CTSO: variants seen among roughly 807,000 people sequenced by gnomAD.
The protein encoded by CTSO is cathepsin O.
A neutral mutation model predicts 42.4 loss-of-function variants in CTSO; 40 were observed. That is an observed-to-expected ratio of 0.94 (90% CI 0.73 to 1.23). CTSO has a LOEUF of 1.23. CTSO is among the 50% of genes most tolerant of loss of function. The probability of loss-of-function intolerance (pLI) is 0.00; values close to 1 mark genes in which losing one functional copy is unlikely to be tolerated. For synonymous variants in CTSO, 156 were observed against 146.2 expected, an observed-to-expected ratio of 1.07 and a Z score of -0.48; for missense variants, 441 against 396.0, an observed-to-expected ratio of 1.11 and a Z score of -0.96.
intron 1 of CTSO, among the ~76,000 whole-genome samples, chr4:155,949,979 C>A (rs1038244278): frequency 7.3e-6 from 1 of 136,412 alleles, no homozygotes; most frequent in South Asian, 2.9e-4. Flanking sequence ...TGTTGAGGAG[C>A]CTTGGATTAG....
chr4:155,927,606 A>G (rs1007729112), intron 7 of CTSO, among the ~76,000 whole-genome samples: 2 of 152,084 alleles, frequency 1.3e-5, no homozygotes, highest in African/African-American at 2.4e-5. Context: ...CGTCTCTACT[A>G]AAAATACAAA....
chr4:155,925,997 C>A lies in CTSO; in HGVS notation c.*39G>T, dbSNP rs1436959083. 1 of 1,578,184 alleles carries A rather than the reference C, an allele frequency of 6.3e-7. No homozygotes were observed. Among genetic ancestry groups the A allele is most frequent in the Non-Finnish European group, 8.7e-7 (1 of 1,154,918 alleles). On this transcript the variant is annotated 3_prime_UTR_variant, in exon 8 of 8. Coordinates refer to ENST00000433477, the MANE Select transcript of CTSO (RefSeq NM_001334.3). ...ACTATGTTACATTGCATTATGAAAA[C>A]CTTCATTTTTGTAGCTGTCTCTTGA...
chr4:155,953,631 C>A, intron 1 of CTSO, 82 bp downstream of exon 1: 1 of 1,226,972 alleles, frequency 8.2e-7, no homozygotes, highest in Non-Finnish European at 1.0e-6. Flanking sequence ...GGTCAGCTCT[C>A]GGGGGCCCTC....
At chr4:155,935,560 C>G (rs1019483879) in intron 5 of CTSO, among the ~76,000 whole-genome samples, 1 of 152,042 alleles carries the variant, frequency 6.6e-6, no homozygotes, top group East Asian at 1.9e-4. Flanking sequence ...TGAGGCCCTG[C>G]CAGGCAACCC....
chr4:155,951,427 G>A (rs1743671984), intron 1 of CTSO, among the ~76,000 whole-genome samples: 1 of 152,134 alleles, frequency 6.6e-6, no homozygotes, highest in Non-Finnish European at 1.5e-5. Context: ...CAGAGATAAG[G>A]GGTGCCATCC....
chr4:155,946,073 G>T (rs1743540958), intron 1 of CTSO, among the ~76,000 whole-genome samples: 1 of 152,120 alleles, frequency 6.6e-6, no homozygotes, highest in African/African-American at 2.4e-5. Flanking sequence ...AATGCTGTAC[G>T]TGTGGGTTCT....
intron 5 of CTSO, among the ~76,000 whole-genome samples, chr4:155,931,560 G>C (rs1743234013): frequency 6.6e-6 from 1 of 152,130 alleles, no homozygotes; most frequent in African/African-American, 2.4e-5. Flanking sequence ...CCAGAATTGA[G>C]TGGCATTGCT....
chr4:155,945,234 A>C (rs1478342857), intron 1 of CTSO, among the ~76,000 whole-genome samples: 1 of 151,958 alleles, frequency 6.6e-6, no homozygotes, highest in Non-Finnish European at 1.5e-5. Context: ...TCCAGCCTGG[A>C]CGACAGAGCG....
chr4:155,944,794 C>T (rs1419334760), intron 1 of CTSO, among the ~76,000 whole-genome samples: 1 of 152,060 alleles, frequency 6.6e-6, no homozygotes, highest in African/African-American at 2.4e-5. Context: ...TCCCTGATGG[C>T]CTTGCCAAAC....
intron 1 of CTSO, among the ~76,000 whole-genome samples, chr4:155,945,073 A>G (rs1743516758): frequency 2.6e-5 from 4 of 151,864 alleles, no homozygotes; most frequent in South Asian, 2.1e-4. Context: ...CCTCGCCAAC[A>G]TGGTGAAAGC....
chr4:155,938,183 A>G (rs530859474), intron 4 of CTSO, among the ~76,000 whole-genome samples: 1 of 152,172 alleles, frequency 6.6e-6, no homozygotes, highest in South Asian at 2.1e-4. Flanking sequence ...GGTTAGGTCA[A>G]GCATTCTTTC....
intron 7 of CTSO, among the ~76,000 whole-genome samples, chr4:155,927,096 C>T (rs77984631): frequency 0.025 from 3,827 of 152,184 alleles, 53 homozygotes; most frequent in Non-Finnish European, 0.038. Context: ...GTGATGTTGA[C>T]TTTTTTCAAT....
At chr4:155,928,565 A>T in intron 6 of CTSO, 137 bp from the exon 7 acceptor site, 2 of 600,804 alleles carry the variant, frequency 3.3e-6, no homozygotes, top group Non-Finnish European at 5.9e-6. Flanking sequence ...TTTAATGGTA[A>T]CTTAAACTAC....
chr4:155,928,025 T>A (rs1743161789), intron 7 of CTSO, among the ~76,000 whole-genome samples: 2 of 152,120 alleles, frequency 1.3e-5, no homozygotes, highest in Non-Finnish European at 2.9e-5. Flanking sequence ...AAGAAGACAT[T>A]TCTGCAGGAG....
rs761284941 is a variant in CTSO at position 155,943,178 on chromosome 4, A to G, written c.222T>C (p.Tyr74=). 3 of 1,609,788 alleles carry G rather than the reference A, an allele frequency of 1.9e-6. No homozygotes were observed. The South Asian group carries it at 3.3e-5, about 18-fold the overall frequency. Residue 74 remains tyrosine, a synonymous_variant, in exon 2 of 8, where the codon TAT becomes TAC. Coordinates refer to ENST00000433477, the MANE Select transcript of CTSO (RefSeq NM_001334.3). ...TAFYGINQFS[Y]LFPEEFKAIY... ...TACCTTTAAACTCTTCAGGAAACAA[A>G]TAGGAAAACTGATTTATTCCATAGA...
In CTSO at chr4:155,949,193, T is replaced by G. The variant is rs115722003; in HGVS notation, c.135+4520A>C. Among the ~76,000 whole-genome samples the G allele has an allele frequency of 3.9e-3, 597 of 152,318 alleles. 3 individuals carry two copies. The highest frequency in any genetic ancestry group is 0.014 in the African/African-American group (567 of 41,580). ...AAGGTAATTGCTAACATTAGCCCTC[T>G]TCACAGAAGAATAAATCTGAGAAAC... On this transcript the variant is annotated intron_variant, in intron 1 of 7. Coordinates refer to ENST00000433477, the MANE Select transcript of CTSO (RefSeq NM_001334.3).
At chr4:155,943,020 A>C in intron 2 of CTSO, 136 bp downstream of exon 2, 1 of 614,486 alleles carries the variant, frequency 1.6e-6, no homozygotes, top group South Asian at 2.5e-5. Flanking sequence ...CACATGGTAC[A>C]TGCCTGACAT....
Position 155,941,072 on chromosome 4 carries a change from A to G in CTSO, c.384+1245T>C, listed in dbSNP as rs77100519. Among the ~76,000 whole-genome samples the G allele has an allele frequency of 2.4e-4, 36 of 152,372 alleles. 1 individual carries two copies. In the East Asian group the frequency reaches 6.6e-3, roughly 28 times the overall value. ...TATTACAAATCCAATAATAAAGCAA[A>G]TGATTTGGTGGTAAAACTTAATGTA... is the stretch of plus-strand genomic sequence containing the variant. On this transcript the variant is annotated intron_variant, in intron 3 of 7. Coordinates refer to ENST00000433477, the MANE Select transcript of CTSO (RefSeq NM_001334.3).
At chr4:155,926,166 A>G (rs1344236891) in intron 7 of CTSO, 96 bp from the exon 8 acceptor site, 1 of 795,898 alleles carries the variant, frequency 1.3e-6, no homozygotes, top group Admixed American at 3.0e-5. Context: ...CAGAAAGAGT[A>G]TCTACTGAGA....
Sources: gnomAD v4.1 joint callset for allele counts (sites outside exome capture counted in the v4.1 genomes callset) on GRCh38, gnomAD v4.1.1 for gene constraint, MANE v1.5 for transcripts, NCBI Gene and HGNC (gene_info 2026-07-23, HGNC 2026-07-21) for gene names.